BABAM2: variants seen among roughly 807,000 people sequenced by gnomAD.
BABAM2 encodes the protein BRISC and BRCA1 A complex member 2.
BABAM2 carries 31 observed loss-of-function variants against 54.7 expected under a neutral mutation model. The observed-to-expected ratio is 0.57, with a 90% CI of 0.43 to 0.77. The LOEUF (loss-of-function observed/expected upper bound fraction) is 0.77. Among genes scored for constraint, BABAM2 ranks in the 30% least tolerant of loss-of-function variants. BABAM2 has a pLI of 0.00. For missense variants in BABAM2, 364 were observed against 455.8 expected, an observed-to-expected ratio of 0.80 and a Z score of 1.83; for synonymous variants, 167 against 162.9, an observed-to-expected ratio of 1.03 and a Z score of -0.19.
At position 28,315,232 on chromosome 2, in the gene BABAM2, TTTTGTTTG is replaced by T. The variant is rs143488300; in HGVS notation, c.1088+16761_1088+16768del. The stretch of plus-strand genomic sequence containing the variant: ...TGTTCAACCACTGTCTAGTAGAGTT[TTTTGTTTG>T]TTTGTTTGTTTGTTTGTTTTTAAAT... On this transcript the variant is annotated intron_variant, in intron 11 of 11. Transcript: ENST00000379624. Among the ~76,000 whole-genome samples, 37 of 151,996 alleles carry T rather than the reference TTTTGTTTG, an allele frequency of 2.4e-4. 1 individual carries two copies. In the East Asian group the frequency reaches 2.9e-3, roughly 12 times the overall value.
chr2:28,030,366 G>A (rs184495371), intron 5 of BABAM2, among the ~76,000 whole-genome samples: 2 of 152,214 alleles, frequency 1.3e-5, no homozygotes, highest in East Asian at 1.9e-4. Flanking sequence ...TAAGTAGTTT[G>A]TAAACATTAG....
chr2:28,212,937 G>A (rs1053629527), intron 7 of BABAM2, among the ~76,000 whole-genome samples: 2 of 152,142 alleles, frequency 1.3e-5, no homozygotes, highest in African/African-American at 4.8e-5. Flanking sequence ...AATCTTTTAT[G>A]GCTGGGTACA....
chr2:28,019,441 G>A (rs4616436), intron 4 of BABAM2, among the ~76,000 whole-genome samples: 99,169 of 151,850 alleles, frequency 0.65, 34,093 homozygotes, highest in Middle Eastern at 0.8. Flanking sequence ...CACTCTGTGG[G>A]TTGTCTGTTT....
At chr2:28,196,954 C>T (rs1259439029) in intron 7 of BABAM2, among the ~76,000 whole-genome samples, 2 of 143,800 alleles carry the variant, frequency 1.4e-5, no homozygotes, top group African/African-American at 5.1e-5. Context: ...AAGGGATCCT[C>T]CCACCTTGGC....
intron 6 of BABAM2, among the ~76,000 whole-genome samples, chr2:28,089,040 T>G (rs1050906038): frequency 1.5e-5 from 2 of 135,418 alleles, no homozygotes; most frequent in Admixed American, 7.0e-5. Flanking sequence ...GCATTTAGGG[T>G]TTTTTTTTTC....
At chr2:28,040,546 C>T (rs1337283599) in intron 5 of BABAM2, among the ~76,000 whole-genome samples, 1 of 151,772 alleles carries the variant, frequency 6.6e-6, no homozygotes, top group Non-Finnish European at 1.5e-5. Flanking sequence ...GTGATCCGCC[C>T]GCCTCGGCCT....
At chr2:28,261,946 GA>G (rs1269746245) in intron 10 of BABAM2, among the ~76,000 whole-genome samples, 3 of 152,124 alleles carry the variant, frequency 2.0e-5, no homozygotes, top group African/African-American at 7.2e-5. Flanking sequence ...TACCTTGTCT[GA>G]AATAGCTCAC....
intron 7 of BABAM2, among the ~76,000 whole-genome samples, chr2:28,149,783 C>T (rs1210761795): frequency 6.6e-6 from 1 of 152,186 alleles, no homozygotes. Flanking sequence ...CTGCTTTAGT[C>T]AGTGTCCCTG....
intron 3 of BABAM2, among the ~76,000 whole-genome samples, chr2:27,950,871 T>C (rs1372489801): frequency 6.6e-6 from 1 of 152,182 alleles, no homozygotes; most frequent in African/African-American, 2.4e-5. Flanking sequence ...GAATGAGTGT[T>C]GCTGATTTGT....
rs532236252 is a variant in BABAM2, at chr2:28,082,456, G to T, written c.570+36657G>T. Reference sequence around the variant, plus strand: ...ACCCTTGAGTTCCAGTCCCAGTTTTGTCACTGACTCTGACCTTAGGCAAGT... The same window carrying T: ...ACCCTTGAGTTCCAGTCCCAGTTTTTTCACTGACTCTGACCTTAGGCAAGT... On this transcript the variant is annotated intron_variant, in intron 6 of 11. Coordinates refer to ENST00000379624, the MANE Select transcript of BABAM2 (RefSeq NM_199191.3). Among the ~76,000 whole-genome samples, 7 of 152,306 alleles carry T rather than the reference G, an allele frequency of 4.6e-5. No homozygotes were observed. In the South Asian group the frequency reaches 1.4e-3, roughly 32 times the overall value.
intron 2 of BABAM2, among the ~76,000 whole-genome samples, chr2:27,920,842 T>G (rs1667294138): frequency 6.6e-6 from 1 of 152,132 alleles, no homozygotes; most frequent in Non-Finnish European, 1.5e-5. Context: ...TTCCAGACAG[T>G]GTATCAAAAA....
intron 10 of BABAM2, among the ~76,000 whole-genome samples, chr2:28,258,615 C>CTTTTTTTTT (rs70956008): frequency 0.019 from 1,855 of 99,840 alleles, 109 homozygotes; most frequent in African/African-American, 0.046. Flanking sequence ...TTTTTCTTTT[C>CTTTTTTTTT]TTTTTTTTTT....
intron 3 of BABAM2, among the ~76,000 whole-genome samples, chr2:27,971,514 C>T (rs1017888474): frequency 2.6e-5 from 4 of 151,980 alleles, no homozygotes; most frequent in African/African-American, 9.7e-5. Flanking sequence ...TCAGTAAATA[C>T]AAAGCTACTT....
chr2:28,224,810 G>T (rs1273817060), intron 7 of BABAM2, among the ~76,000 whole-genome samples: 1 of 135,168 alleles, frequency 7.4e-6, no homozygotes, highest in Non-Finnish European at 1.5e-5. Flanking sequence ...CGATAGGGAG[G>T]ATTTGATTAT....
At chr2:28,198,858 CTTA>C (rs1677930994) in intron 7 of BABAM2, among the ~76,000 whole-genome samples, 1 of 152,108 alleles carries the variant, frequency 6.6e-6, no homozygotes, top group South Asian at 2.1e-4. Flanking sequence ...TTTTTAATGC[CTTA>C]CCTGTATTTA....
chr2:28,267,799 G>A (rs1388883071), intron 10 of BABAM2, among the ~76,000 whole-genome samples: 1 of 152,208 alleles, frequency 6.6e-6, no homozygotes, highest in Non-Finnish European at 1.5e-5. Flanking sequence ...CCTCACTGCA[G>A]GAAGGCTGGG....
At chr2:28,118,611 C>G (rs1181400766) in intron 6 of BABAM2, among the ~76,000 whole-genome samples, 1 of 151,936 alleles carries the variant, frequency 6.6e-6, no homozygotes, top group Admixed American at 6.6e-5. Flanking sequence ...CTTGTAAACT[C>G]TGGATATTAG....
chr2:28,185,870 C>G (rs779390763), intron 7 of BABAM2, among the ~76,000 whole-genome samples: 2 of 152,028 alleles, frequency 1.3e-5, no homozygotes, highest in Non-Finnish European at 2.9e-5. Context: ...AGGAATCGTG[C>G]TCTTTTAAAT....
Position 28,237,211 on chromosome 2 carries a change from A to T in BABAM2, c.690A>T (p.Gly230=), listed in dbSNP as rs777946114. Residue 230 remains glycine (G), a synonymous_variant, in exon 8 of 12, where the codon GGA becomes GGT. Coordinates refer to ENST00000379624, the MANE Select transcript of BABAM2 (RefSeq NM_199191.3). ...ACTCTTGTCCTTTCAGTGCACTTGG[A>T]GGCTCCTCAGCTCTTCATATCCCAG... ...YLSPRIEHAL[G]GSSALHIPAF... 2 of 1,613,554 alleles carry T rather than the reference A, an allele frequency of 1.2e-6. No individual in the cohort carries two copies. Among genetic ancestry groups the T allele is most frequent in the South Asian group, 2.2e-5 (2 of 91,068 alleles).
Sources: gnomAD v4.1 joint callset for allele counts (sites outside exome capture counted in the v4.1 genomes callset) on GRCh38, gnomAD v4.1.1 for gene constraint, MANE v1.5 for transcripts, NCBI Gene and HGNC (gene_info 2026-07-23, HGNC 2026-07-21) for gene names.